The following GRIK2 variants were observed in gnomAD, a reference collection of about 807,000 sequenced individuals.
GRIK2 encodes glutamate receptor ionotropic, kainate 2.
A neutral mutation model predicts 100.3 loss-of-function variants in GRIK2; 32 were observed. That is an observed-to-expected ratio of 0.32 (90% CI 0.24 to 0.43). The LOEUF (loss-of-function observed/expected upper bound fraction) is 0.43. Among genes scored for constraint, GRIK2 ranks in the 20% least tolerant of loss-of-function variants. GRIK2 has a pLI of 1.00. For missense variants in GRIK2, 843 were observed against 1,114.9 expected (o/e 0.76, Z 3.47); for synonymous variants, 417 against 389.4 (o/e 1.07, Z -0.83).
intron 2 of GRIK2, among the ~76,000 whole-genome samples, chr6:101,618,907 C>A (rs550989674): frequency 2.0e-5 from 3 of 150,242 alleles, no homozygotes; most frequent in Non-Finnish European, 4.5e-5. Flanking sequence ...ACTGTTCATT[C>A]GTGATTTTTA....
chr6:101,587,416 CCATT>C (rs926083429), intron 2 of GRIK2, among the ~76,000 whole-genome samples: 4 of 152,058 alleles, frequency 2.6e-5, no homozygotes, highest in African/African-American at 9.7e-5. Flanking sequence ...GTCCATCCAT[CCATT>C]CATCCATCCA....
intron 4 of GRIK2, among the ~76,000 whole-genome samples, chr6:101,666,039 T>C (rs1427166519): frequency 6.6e-6 from 1 of 152,132 alleles, no homozygotes; most frequent in Admixed American, 6.6e-5. Flanking sequence ...AGCTGAAAAG[T>C]TCAAGGGCCT....
At chr6:101,565,641 T>C (rs1777219632) in intron 2 of GRIK2, among the ~76,000 whole-genome samples, 1 of 151,972 alleles carries the variant, frequency 6.6e-6, no homozygotes, top group East Asian at 1.9e-4. Context: ...AAATAAATAT[T>C]TACTACTTTA....
intron 2 of GRIK2, among the ~76,000 whole-genome samples, chr6:101,459,418 A>C (rs1771180010): frequency 6.6e-6 from 1 of 152,248 alleles, no homozygotes; most frequent in Non-Finnish European, 1.5e-5. Flanking sequence ...AAGGAAATCC[A>C]TCATAATATA....
At chr6:101,702,762 A>G (rs1352814320) in intron 7 of GRIK2, among the ~76,000 whole-genome samples, 5 of 151,824 alleles carry the variant, frequency 3.3e-5, no homozygotes, top group Non-Finnish European at 7.4e-5. Context: ...ATATATGTGG[A>G]GTAAGTCCTA....
rs1298572841 is a variant in GRIK2, at chr6:101,793,680, C to G, written c.952-5968C>G. Among the ~76,000 whole-genome samples, 5 of 152,310 alleles carry G rather than the reference C, an allele frequency of 3.3e-5. No individual in the cohort carries two copies. The South Asian group carries it at 8.3e-4, about 25-fold the overall frequency. Reference sequence around the variant, plus strand: ...GGGGTCAGGGACCCAGTTGAGGAGGCAGTCTGCCCGTTCTCAGATCTCCAG... The same window carrying G: ...GGGGTCAGGGACCCAGTTGAGGAGGGAGTCTGCCCGTTCTCAGATCTCCAG... On this transcript the variant is annotated intron_variant, in intron 7 of 16. Coordinates refer to ENST00000369134, the MANE Select transcript of GRIK2 (RefSeq NM_021956.5).
intron 7 of GRIK2, among the ~76,000 whole-genome samples, chr6:101,746,337 T>C (rs1779975553): frequency 6.6e-6 from 1 of 152,146 alleles, no homozygotes; most frequent in South Asian, 2.1e-4. Context: ...AATATTTTAT[T>C]TATTTATTGA....
At chr6:101,761,562 C>G (rs1296985793) in intron 7 of GRIK2, among the ~76,000 whole-genome samples, 1 of 152,068 alleles carries the variant, frequency 6.6e-6, no homozygotes, top group Non-Finnish European at 1.5e-5. Flanking sequence ...TATTCCTTTC[C>G]AGACTAAAAA....
intron 7 of GRIK2, among the ~76,000 whole-genome samples, chr6:101,769,837 A>G (rs1778286053): frequency 6.6e-6 from 1 of 152,198 alleles, no homozygotes; most frequent in Non-Finnish European, 1.5e-5. Flanking sequence ...AAAGGAAGAC[A>G]GAGGTTTTCA....
intron 2 of GRIK2, among the ~76,000 whole-genome samples, chr6:101,534,901 C>A (rs1156521213): frequency 1.3e-5 from 2 of 151,272 alleles, no homozygotes. Context: ...GGTTTATAAG[C>A]CGTGTACTTG....
intron 2 of GRIK2, among the ~76,000 whole-genome samples, chr6:101,410,474 C>T (rs1313679379): frequency 6.6e-6 from 1 of 151,890 alleles, no homozygotes; most frequent in Non-Finnish European, 1.5e-5. Context: ...ACCCCTAGAC[C>T]ACTAACCTCA....
In GRIK2 at chr6:102,069,581, T is replaced by G. The variant is rs762581399; in HGVS notation, c.*1070T>G. 2 of 151,900 alleles carry G rather than the reference T, an allele frequency of 1.3e-5. No individual in the cohort carries two copies. Among genetic ancestry groups the G allele is most frequent in the Non-Finnish European group, 2.9e-5 (2 of 67,940 alleles). 9.4% of individuals were successfully genotyped at this position (151,900 alleles called of 1,614,324 possible). On this transcript the variant is annotated 3_prime_UTR_variant, in exon 17 of 17. Coordinates refer to ENST00000369134, the MANE Select transcript of GRIK2 (RefSeq NM_021956.5). ...TCTGTGAGAGAACTTGGAAGTGGAC[T>G]GCGTTTATCAATACAGTCACAATGT... is the stretch of plus-strand genomic sequence containing the variant.
chr6:101,879,442 T>C (rs1186663836), intron 11 of GRIK2, among the ~76,000 whole-genome samples: 1 of 151,976 alleles, frequency 6.6e-6, no homozygotes, highest in Middle Eastern at 3.2e-3. Context: ...AATGGACTCA[T>C]AGCCTTTCAC....
At chr6:101,884,986 C>T (rs945909048) in intron 11 of GRIK2, among the ~76,000 whole-genome samples, 3 of 151,984 alleles carry the variant, frequency 2.0e-5, no homozygotes, top group Non-Finnish European at 2.9e-5. Context: ...GTTAGATTTC[C>T]AGGGAGGGAA....
In GRIK2 at chr6:101,963,278, A is replaced by ATTTTTTTTTTTT. The variant is rs3029099; in HGVS notation, c.2085+34672_2085+34683dup. Among the ~76,000 whole-genome samples, 22 of 27,842 alleles carry ATTTTTTTTTTTT rather than the reference A, an allele frequency of 7.9e-4. 11 individuals carry two copies. The highest frequency in any genetic ancestry group is 1.0e-3 in the Admixed American group (2 of 1,924). 18.3% of individuals were successfully genotyped at this position (27,842 alleles called of 152,430 possible). A position where few individuals can be genotyped will look rare whatever the true frequency, so the allele number is the denominator to read the frequency against. On this transcript the variant is annotated intron_variant, in intron 14 of 16. Transcript: ENST00000369134. Reference sequence around the variant, plus strand: ...TATTTCATATTTATACTTATTTAGGATTTTTTTTTTTTTTTTTTTTTTTTT... The same window carrying ATTTTTTTTTTTT: ...TATTTCATATTTATACTTATTTAGGATTTTTTTTTTTTTTTTTTTTTTTTTTTTTTTTTTTTT...
intron 9 of GRIK2, among the ~76,000 whole-genome samples, chr6:101,811,914 A>C (rs540130173): frequency 7.9e-5 from 12 of 151,814 alleles, no homozygotes; most frequent in African/African-American, 2.9e-4. Context: ...GTTGTTTTCT[A>C]CCTAGAAAAA....
chr6:101,681,519 G>A (rs1309036606), intron 5 of GRIK2, among the ~76,000 whole-genome samples: 1 of 150,864 alleles, frequency 6.6e-6, no homozygotes, highest in Admixed American at 6.7e-5. Context: ...ACAGGTGTGA[G>A]ACACTGCACC....
At chr6:101,478,738 A>G (rs1171683522) in intron 2 of GRIK2, among the ~76,000 whole-genome samples, 1 of 151,398 alleles carries the variant, frequency 6.6e-6, no homozygotes, top group Non-Finnish European at 1.5e-5. Context: ...GTTAGCCAGG[A>G]TGGTCTCGAT....
intron 7 of GRIK2, among the ~76,000 whole-genome samples, chr6:101,750,346 T>A (rs1776710516): frequency 6.6e-6 from 1 of 152,192 alleles, no homozygotes; most frequent in Non-Finnish European, 1.5e-5. Context: ...CTGCTGCCCT[T>A]CTGAAGAGCC....
Sources: gnomAD v4.1 joint callset for allele counts (sites outside exome capture counted in the v4.1 genomes callset) on GRCh38, gnomAD v4.1.1 for gene constraint, MANE v1.5 for transcripts, NCBI Gene and HGNC (gene_info 2026-07-23, HGNC 2026-07-21) for gene names.